BRWD1: variants seen among roughly 807,000 people sequenced by gnomAD.
BRWD1 encodes bromodomain and WD repeat domain containing 1.
Under a neutral mutation model 251.2 loss-of-function variants are expected in BRWD1, and 82 were observed. The ratio of observed to expected loss-of-function variants is 0.33; its 90% CI spans 0.27 to 0.39. BRWD1 has a LOEUF of 0.39. BRWD1 is among the 10% of genes least tolerant of loss of function. BRWD1 has a pLI of 1.00. For synonymous variants in BRWD1, 918 were observed against 902.8 expected (o/e 1.02, Z -0.30); for missense variants, 2,233 against 2,711.6 (o/e 0.82, Z 3.92).
intron 4 of BRWD1, among the ~76,000 whole-genome samples, chr21:39,306,128 G>C (rs2036280110): frequency 6.7e-6 from 1 of 149,872 alleles, no homozygotes; most frequent in Non-Finnish European, 1.5e-5. Context: ...GGAGTGCAGT[G>C]GTGCAATCTT....
chr21:39,270,433 C>T lies in BRWD1; in HGVS notation c.1245G>A (p.Gly415=), dbSNP rs1390301227. Residue 415 remains glycine, a splice_region_variant and synonymous_variant, in exon 14 of 41, where the codon GGG becomes GGA. Transcript: ENST00000342449. ...ACCTTTCCTCTTCGGAAGATAAGTC[C>T]CTAACAAAAAAATACACAACATGTA... ...ILLDMATRIS[G]DLSSEEERFM... 1.3e-6 allele frequency: 2 copies of T among 1,598,452 alleles called. No individual in the cohort carries two copies. Among genetic ancestry groups the T allele is most frequent in the East Asian group, 4.5e-5 (2 of 44,592 alleles).
chr21:39,314,351 A>G (rs1043569666), upstream of BRWD1: 30 of 455,518 alleles, frequency 6.6e-5, no homozygotes, highest in African/African-American at 5.8e-4. Flanking sequence ...CGCTTCGCCG[A>G]GGGGGTGCGA....
In BRWD1 at chr21:39,191,894, A is replaced by G. The variant is rs1207038173; in HGVS notation, c.*4365T>C. 5.1e-6 allele frequency: 5 copies of G among 983,084 alleles called. No individual in the cohort carries two copies. Among genetic ancestry groups the G allele is most frequent in the Non-Finnish European group, 6.0e-6 (5 of 827,966 alleles). The allele number at this position is 983,084 out of a possible 1,614,324, so 60.9% of individuals were successfully genotyped here. On this transcript the variant is annotated 3_prime_UTR_variant, in exon 41 of 41. Transcript: ENST00000342449. Reference sequence around the variant, plus strand: ...CATAACTAAAATATGACCAGAAAGTATACCATAGCATTGATAATTAAATTC... The same window carrying G: ...CATAACTAAAATATGACCAGAAAGTGTACCATAGCATTGATAATTAAATTC...
chr21:39,271,048 A>C (rs1218631289), intron 13 of BRWD1, among the ~76,000 whole-genome samples: 1 of 152,118 alleles, frequency 6.6e-6, no homozygotes, highest in African/African-American at 2.4e-5. Context: ...TAATCCCAGC[A>C]TCTTGGGAGA....
chr21:39,201,996 C>T (rs780634692), intron 38 of BRWD1, among the ~76,000 whole-genome samples: 2 of 152,178 alleles, frequency 1.3e-5, no homozygotes, highest in Admixed American at 6.5e-5. Flanking sequence ...GAATTTACTA[C>T]GTCATCAGCT....
chr21:39,234,886 A>G (rs1232664136), intron 23 of BRWD1, among the ~76,000 whole-genome samples: 3 of 152,228 alleles, frequency 2.0e-5, no homozygotes, highest in Admixed American at 6.5e-5. Context: ...GTACAGAAAC[A>G]GCATGAACCA....
chr21:39,257,202 TAAAA>T (rs5843954), intron 18 of BRWD1, among the ~76,000 whole-genome samples: 1 of 137,004 alleles, frequency 7.3e-6, no homozygotes, highest in Non-Finnish European at 1.6e-5. Context: ...TGAAGCTATT[TAAAA>T]AAAAAAAAAA....
At chr21:39,265,682 G>A (rs1243740859) in intron 15 of BRWD1, among the ~76,000 whole-genome samples, 1 of 152,144 alleles carries the variant, frequency 6.6e-6, no homozygotes, top group Non-Finnish European at 1.5e-5. Flanking sequence ...CAAGATAAAT[G>A]ATTAAAGATT....
rs1405221341 is a variant in BRWD1 at position 39,228,549 on chromosome 21, A to T, written c.3159T>A (p.Leu1053=). The change falls in exon 27 of 41, where the codon CTT becomes CTA. Residue 1053 remains leucine, a synonymous_variant. Transcript: ENST00000342449. The stretch of plus-strand genomic sequence containing the variant: ...CTTCATCATAAAATTGACGCAATAC[A>T]AGAAAGTCAATAACATCTGGCATAT... The part of the protein sequence containing the change: ...YHDMPDVIDF[L]VLRQFYDEAR... 1.9e-6 allele frequency: 3 copies of T among 1,613,192 alleles called. No homozygotes were observed. The highest frequency in any genetic ancestry group is 1.7e-6 in the Non-Finnish European group (2 of 1,179,390).
chr21:39,246,726 C>T (rs929757428), intron 21 of BRWD1, among the ~76,000 whole-genome samples: 2 of 152,190 alleles, frequency 1.3e-5, no homozygotes, highest in African/African-American at 4.8e-5. Flanking sequence ...AAATGCTCAA[C>T]ATACTAATCA....
At chr21:39,249,912 GGGGGTGTGT>G (rs2034332859) in intron 20 of BRWD1, among the ~76,000 whole-genome samples, 1 of 33,682 alleles carries the variant, frequency 3.0e-5, no homozygotes, top group South Asian at 1.6e-3. Flanking sequence ...AAAAAAGAAG[GGGGGTGTGT>G]GTGTGTGTGT....
upstream of BRWD1, chr21:39,315,816 G>A (rs769184701): frequency 6.6e-6 from 1 of 152,080 alleles, no homozygotes; most frequent in Admixed American, 6.6e-5. Context: ...GGAAACAGAT[G>A]TAAGCAAATA....
In BRWD1 at chr21:39,312,802, G is replaced by T. The variant is rs764075190; in HGVS notation, c.198+39C>A. The T allele has an allele frequency of 1.1e-5, 17 of 1,548,246 alleles. No individual in the cohort carries two copies. The South Asian group carries it at 2.0e-4, about 18-fold the overall frequency. On this transcript the variant is annotated intron_variant, in intron 4 of 40. Transcript: ENST00000342449. Reference sequence around the variant, plus strand: ...GGAAGGGGCGGGGGCGGGGGGCGGTGCACGGAAAACCCGGGGAGCAAACGT... The same window carrying T: ...GGAAGGGGCGGGGGCGGGGGGCGGTTCACGGAAAACCCGGGGAGCAAACGT...
intron 29 of BRWD1, among the ~76,000 whole-genome samples, chr21:39,222,685 A>C (rs1233523299): frequency 6.6e-6 from 1 of 152,226 alleles, no homozygotes; most frequent in Non-Finnish European, 1.5e-5. Context: ...TAGAATTCCA[A>C]CTAACACATG....
intron 31 of BRWD1, among the ~76,000 whole-genome samples, chr21:39,216,116 A>G (rs753860787): frequency 7.2e-5 from 11 of 152,218 alleles, no homozygotes; most frequent in African/African-American, 2.2e-4. Flanking sequence ...TTACGTCGAT[A>G]ATGTGGACTC....
chr21:39,205,221 C>T (rs1386689383), intron 37 of BRWD1, among the ~76,000 whole-genome samples: 1 of 152,206 alleles, frequency 6.6e-6, no homozygotes, highest in East Asian at 1.9e-4. Flanking sequence ...CGCCTGTAAT[C>T]CCAACATATT....
chr21:39,210,202 G>A (rs1434751381), intron 35 of BRWD1, 55 bp from the exon 36 acceptor site: 1 of 1,416,288 alleles, frequency 7.1e-7, no homozygotes, highest in African/African-American at 1.4e-5. Context: ...TTTTAGAAAT[G>A]TAAATGCATC....
At position 39,264,311 on chromosome 21, in the gene BRWD1, T is replaced by A. The variant is rs1006531861; in HGVS notation, c.1885+149A>T. On this transcript the variant is annotated intron_variant, in intron 17 of 40. Transcript: ENST00000342449. ...TACATGAGGTCCAGAAGTTAAATGGTTCAAAACAATACACAGAAAAAAAAT... is the reference window on the plus strand; with the variant it reads ...TACATGAGGTCCAGAAGTTAAATGGATCAAAACAATACACAGAAAAAAAAT... 6.3e-5 allele frequency: 34 copies of A among 539,860 alleles called. No homozygotes were observed. In the Admixed American group the frequency reaches 7.4e-4, roughly 12 times the overall value. The allele number at this position is 539,860 out of a possible 1,614,324, so 33.4% of individuals were successfully genotyped here.
chr21:39,273,293 T>C (rs1432809482), intron 13 of BRWD1, among the ~76,000 whole-genome samples: 2 of 152,200 alleles, frequency 1.3e-5, no homozygotes, highest in Non-Finnish European at 2.9e-5. Context: ...ACTTTCATAC[T>C]GAGATGTAAC....
Sources: gnomAD v4.1 joint callset for allele counts (sites outside exome capture counted in the v4.1 genomes callset) on GRCh38, gnomAD v4.1.1 for gene constraint, MANE v1.5 for transcripts, NCBI Gene and HGNC (gene_info 2026-07-23, HGNC 2026-07-21) for gene names.